Variants in NKAIN2 observed in about 807,000 individuals in gnomAD.
NKAIN2 encodes sodium/potassium transporting ATPase interacting 2.
Under a neutral mutation model 32.6 loss-of-function variants are expected in NKAIN2, and 14 were observed. That is an observed-to-expected ratio of 0.43 (90% confidence interval 0.28 to 0.67). The LOEUF (loss-of-function observed/expected upper bound fraction) is 0.67, where lower values mean the gene tolerates loss of function less well. Among genes scored for constraint, NKAIN2 ranks in the 30% least tolerant of loss-of-function variants. NKAIN2 has a pLI of 0.17. For synonymous variants in NKAIN2, 80 were observed against 87.2 expected (o/e 0.92, Z 0.46); for missense variants, 198 against 258.3 (o/e 0.77, Z 1.60).
chr6:123,890,225 T>C (rs192655753), intron 1 of NKAIN2, among the ~76,000 whole-genome samples: 12 of 152,140 alleles, frequency 7.9e-5, no homozygotes, highest in African/African-American at 2.6e-4. Flanking sequence ...ATTCTGATTT[T>C]CCCCCCTTTC....
intron 5 of NKAIN2, among the ~76,000 whole-genome samples, chr6:124,810,586 C>T (rs1346837245): frequency 6.6e-6 from 1 of 151,942 alleles, no homozygotes; most frequent in Non-Finnish European, 1.5e-5. Context: ...ATACATGTCA[C>T]TAACCTGCAC....
At chr6:123,976,936 C>T (rs1170240014) in intron 1 of NKAIN2, among the ~76,000 whole-genome samples, 1 of 124,536 alleles carries the variant, frequency 8.0e-6, no homozygotes, top group Non-Finnish European at 1.7e-5. Context: ...TGTTCACTGT[C>T]CTTAATGCAC....
chr6:124,056,593 A>G (rs1458721235), intron 1 of NKAIN2, among the ~76,000 whole-genome samples: 2 of 152,032 alleles, frequency 1.3e-5, no homozygotes, highest in Non-Finnish European at 2.9e-5. Flanking sequence ...AATTAATAGG[A>G]TTGTAACAAA....
chr6:124,106,560 A>T (rs1785130175), intron 1 of NKAIN2, among the ~76,000 whole-genome samples: 3 of 152,176 alleles, frequency 2.0e-5, no homozygotes, highest in Non-Finnish European at 4.4e-5. Context: ...TGATTTTGTT[A>T]CCTTAGGAAA....
intron 1 of NKAIN2, among the ~76,000 whole-genome samples, chr6:123,997,704 C>T (rs971816527): frequency 6.0e-5 from 9 of 149,930 alleles, no homozygotes; most frequent in Non-Finnish European, 1.2e-4. Flanking sequence ...TCCAGGTTCA[C>T]ACCATTCTCC....
intron 1 of NKAIN2, among the ~76,000 whole-genome samples, chr6:123,965,073 A>G (rs1054091570): frequency 6.6e-6 from 1 of 151,952 alleles, no homozygotes; most frequent in Non-Finnish European, 1.5e-5. Flanking sequence ...CTTCCATTTC[A>G]TTCAGTGTTC....
intron 1 of NKAIN2, among the ~76,000 whole-genome samples, chr6:124,133,520 C>T (rs1582707969): frequency 6.6e-6 from 1 of 152,280 alleles, no homozygotes; most frequent in South Asian, 2.1e-4. Context: ...CTGCCTTAGC[C>T]ACAACTAGTG....
rs900848682 is a variant in NKAIN2, at chr6:123,964,683, G to A, written c.54+160429G>A. Among the ~76,000 whole-genome samples, 2 of 152,134 alleles carry A rather than the reference G, an allele frequency of 1.3e-5. No individual in the cohort carries two copies. Among genetic ancestry groups the A allele is most frequent in the African/African-American group, 4.8e-5 (2 of 41,448 alleles). On this transcript the variant is annotated intron_variant, in intron 1 of 6. Coordinates refer to ENST00000368417, the MANE Select transcript of NKAIN2 (RefSeq NM_001040214.3). The surrounding 1 kb of genome is among the most constrained non-coding windows in gnomAD (Gnocchi z 4.0). ...TGGAGTGTTGCCCAGCCACTTTCCT[G>A]TACTCACATTCACCCAGCATCTATC... is the stretch of plus-strand genomic sequence containing the variant.
At chr6:124,203,584 G>T (rs1053245808) in intron 1 of NKAIN2, among the ~76,000 whole-genome samples, 7 of 151,808 alleles carry the variant, frequency 4.6e-5, no homozygotes, top group Non-Finnish European at 4.4e-5. Context: ...TGCTGAGAGA[G>T]AAAGGGCATT....
intron 4 of NKAIN2, among the ~76,000 whole-genome samples, chr6:124,737,465 C>G (rs1391235726): frequency 6.6e-6 from 1 of 151,784 alleles, no homozygotes; most frequent in Non-Finnish European, 1.5e-5. Context: ...AACCTCTTTC[C>G]TTTAGAAACT....
intron 1 of NKAIN2, among the ~76,000 whole-genome samples, chr6:124,183,414 T>C (rs1245079187): frequency 6.6e-6 from 1 of 152,116 alleles, no homozygotes; most frequent in Non-Finnish European, 1.5e-5. Context: ...GATCAGTCTG[T>C]GAGTAAATTA....
chr6:124,440,634 T>C (rs945268284), intron 3 of NKAIN2, among the ~76,000 whole-genome samples: 6 of 152,122 alleles, frequency 3.9e-5, no homozygotes, highest in African/African-American at 1.2e-4. Context: ...GATTCCTTGA[T>C]CCACTGTGTA....
At chr6:124,324,119 A>G (rs1365669210) in intron 2 of NKAIN2, among the ~76,000 whole-genome samples, 3 of 152,124 alleles carry the variant, frequency 2.0e-5, no homozygotes, top group Non-Finnish European at 1.5e-5. Flanking sequence ...AAAATTGTAC[A>G]GTAATTTTAT....
chr6:123,974,711 G>A (rs983186570), intron 1 of NKAIN2, among the ~76,000 whole-genome samples: 3 of 152,146 alleles, frequency 2.0e-5, no homozygotes, highest in Admixed American at 2.0e-4. Flanking sequence ...GGAAGATTAT[G>A]CAACTGAGAT....
Position 124,707,761 on chromosome 6 carries a change from G to A in NKAIN2, c.474+49375G>A, listed in dbSNP as rs1047471443. 4.0e-5 allele frequency among the ~76,000 whole-genome samples: 6 copies of A among 151,692 alleles called. No individual in the cohort carries two copies. The East Asian group carries it at 7.7e-4, about 20-fold the overall frequency. ...TATTAGCCCTTTGTCAGATGAGTAGGTTGCAAAAATTTTCTCCCATTGTGT... is the reference window on the plus strand; with the variant it reads ...TATTAGCCCTTTGTCAGATGAGTAGATTGCAAAAATTTTCTCCCATTGTGT... On this transcript the variant is annotated intron_variant, in intron 4 of 6. Coordinates refer to ENST00000368417, the MANE Select transcript of NKAIN2 (RefSeq NM_001040214.3).
intron 1 of NKAIN2, among the ~76,000 whole-genome samples, chr6:124,269,390 T>A (rs1794644396): frequency 6.6e-6 from 1 of 152,158 alleles, no homozygotes. Context: ...TGCAGCCATC[T>A]GAAATGATAT....
At chr6:124,344,707 G>C (rs1297893085) in intron 2 of NKAIN2, among the ~76,000 whole-genome samples, 1 of 152,158 alleles carries the variant, frequency 6.6e-6, no homozygotes, top group Non-Finnish European at 1.5e-5. Flanking sequence ...TGCTGAAGTT[G>C]CTTATGAGCT....
intron 3 of NKAIN2, among the ~76,000 whole-genome samples, chr6:124,565,978 G>A (rs923075294): frequency 2.6e-5 from 4 of 152,170 alleles, no homozygotes; most frequent in Non-Finnish European, 5.9e-5. Context: ...AAGCAGTAGG[G>A]CTTATAGCTT....
At chr6:123,979,355 G>A (rs1778788201) in intron 1 of NKAIN2, among the ~76,000 whole-genome samples, 1 of 152,180 alleles carries the variant, frequency 6.6e-6, no homozygotes, top group African/African-American at 2.4e-5. Context: ...GGTGTGCACA[G>A]CATGGGTATA....
Sources: allele counts gnomAD v4.1 joint callset (sites outside exome capture counted in the v4.1 genomes callset), GRCh38; gene constraint gnomAD v4.1.1; non-coding constraint Gnocchi (gnomAD v3.1); transcripts MANE v1.5; gene names NCBI Gene and HGNC (gene_info 2026-07-23, HGNC 2026-07-21).